MSH3: variants seen among roughly 807,000 people sequenced by gnomAD.
The protein encoded by MSH3 is mutS homolog 3.
MSH3 carries 106 observed loss-of-function variants against 123.3 expected under a neutral mutation model. That is an observed-to-expected ratio of 0.86 (90% confidence interval 0.73 to 1.01). The LOEUF (loss-of-function observed/expected upper bound fraction) is 1.01, where lower values mean the gene tolerates loss of function less well. MSH3 is among the 50% of genes least tolerant of loss of function. The probability of loss-of-function intolerance (pLI) is 0.00; values close to 1 mark genes in which losing one functional copy is unlikely to be tolerated. For synonymous variants in MSH3, 515 were observed against 481.4 expected (o/e 1.07, Z -0.91); for missense variants, 1,459 against 1,347.6 (o/e 1.08, Z -1.29).
intron 22 of MSH3, among the ~76,000 whole-genome samples, chr5:80,870,497 C>G (rs888867751): frequency 6.6e-6 from 1 of 152,128 alleles, no homozygotes; most frequent in Non-Finnish European, 1.5e-5. Context: ...AAAAAATTAT[C>G]CAGGTTTGCA....
chr5:80,672,589 A>T, intron 5 of MSH3, 152 bp from the exon 6 acceptor site: 1 of 742,780 alleles, frequency 1.3e-6, no homozygotes, highest in Non-Finnish European at 2.3e-6. Flanking sequence ...TTAGCAAATT[A>T]TCCACCCTTG....
At chr5:80,818,833 G>A (rs1011019784) in intron 20 of MSH3, among the ~76,000 whole-genome samples, 3 of 152,136 alleles carry the variant, frequency 2.0e-5, no homozygotes, top group Admixed American at 6.5e-5. Context: ...TGGCTACATT[G>A]GAGTTGCATT....
chr5:80,786,190 C>T (rs1410022069), intron 17 of MSH3, among the ~76,000 whole-genome samples: 1 of 151,798 alleles, frequency 6.6e-6, no homozygotes, highest in Non-Finnish European at 1.5e-5. Flanking sequence ...AAGTAGGCAC[C>T]TTATTTCTAT....
intron 8 of MSH3, among the ~76,000 whole-genome samples, chr5:80,695,531 G>A (rs1257407487): frequency 1.3e-5 from 2 of 151,794 alleles, no homozygotes; most frequent in Non-Finnish European, 2.9e-5. Context: ...ATGGGGTTTC[G>A]CCATGTTGGC....
intron 19 of MSH3, among the ~76,000 whole-genome samples, chr5:80,807,388 T>C (rs1028404308): frequency 9.2e-5 from 14 of 152,116 alleles, no homozygotes; most frequent in Admixed American, 3.9e-4. Context: ...TTGAAAAAAG[T>C]ATGAACTATG....
Position 80,725,517 on chromosome 5 carries a change from T to C in MSH3, c.1405T>C (p.Phe469Leu), listed in dbSNP as rs761160657. 1 of 1,613,954 alleles carries C rather than the reference T, an allele frequency of 6.2e-7. No individual in the cohort carries two copies. Among genetic ancestry groups the C allele is most frequent in the African/African-American group, 1.3e-5 (1 of 74,940 alleles). ...DNIYFEYSHA[F>L]QAVTEFYAKD... Reference sequence around the variant, plus strand: ...CATTTATTTTGAATACAGCCATGCTTTCCAGGCAGTTACAGAGTTTTATGC... The same window carrying C: ...CATTTATTTTGAATACAGCCATGCTCTCCAGGCAGTTACAGAGTTTTATGC... The change falls in exon 9 of 24, where the codon TTC (phenylalanine) becomes CTC (leucine). Residue 469 changes from phenylalanine (F) to leucine (L), a missense_variant. Phe to Leu is a conservative substitution (Grantham distance 22, BLOSUM62 0). Coordinates refer to ENST00000265081, the MANE Select transcript of MSH3 (RefSeq NM_002439.5).
At chr5:80,803,236 A>G (rs857289) in intron 19 of MSH3, among the ~76,000 whole-genome samples, 109,597 of 151,846 alleles carry the variant, frequency 0.72, 39,932 homozygotes, top group East Asian at 0.96. Flanking sequence ...ATCCTCACCA[A>G]CATTTGTTAT....
At chr5:80,693,817 C>T (rs1750405717) in intron 8 of MSH3, among the ~76,000 whole-genome samples, 1 of 152,080 alleles carries the variant, frequency 6.6e-6, no homozygotes, top group Non-Finnish European at 1.5e-5. Context: ...GTCACCACGC[C>T]TGGCTAATTT....
chr5:80,746,563 T>C (rs1350441657), intron 12 of MSH3: 2 of 419,810 alleles, frequency 4.8e-6, no homozygotes, highest in Non-Finnish European at 4.7e-6. Flanking sequence ...GAATTGTTGG[T>C]CCTAAGGAGG....
chr5:80,656,752 A>G (rs968204527), intron 2 of MSH3, among the ~76,000 whole-genome samples: 1 of 152,186 alleles, frequency 6.6e-6, no homozygotes, highest in South Asian at 2.1e-4. Context: ...AGTTCTCCCA[A>G]CTTTCTCCTT....
chr5:80,671,637 G>A (rs1006473261), intron 4 of MSH3, among the ~76,000 whole-genome samples: 1 of 152,158 alleles, frequency 6.6e-6, no homozygotes, highest in Non-Finnish European at 1.5e-5. Flanking sequence ...TCAGAGAAGG[G>A]GTGAGGTTGG....
chr5:80,808,861 A>ATATATATATGTATCTATATATATATC, intron 19 of MSH3, among the ~76,000 whole-genome samples: 1 of 102,994 alleles, frequency 9.7e-6, no homozygotes, highest in Admixed American at 1.0e-4. Context: ...TCTTCTTCAT[A>ATATATATATGTATCTATATATATATC]TATATATATA....
intron 8 of MSH3, among the ~76,000 whole-genome samples, chr5:80,699,009 G>A (rs1032053876): frequency 2.0e-5 from 3 of 152,132 alleles, no homozygotes; most frequent in Non-Finnish European, 4.4e-5. Flanking sequence ...GGTGGAGTGA[G>A]AAAGCGGCAT....
chr5:80,808,754 A>T (rs1358051086), intron 19 of MSH3, among the ~76,000 whole-genome samples: 2 of 151,274 alleles, frequency 1.3e-5, no homozygotes, highest in Non-Finnish European at 2.9e-5. Flanking sequence ...TAGTTTTAAA[A>T]GCCAGCAGTT....
intron 15 of MSH3, among the ~76,000 whole-genome samples, chr5:80,770,903 G>A (rs1283226854): frequency 6.6e-6 from 1 of 152,156 alleles, no homozygotes; most frequent in African/African-American, 2.4e-5. Context: ...CATTATGAGT[G>A]TGGCATTGAG....
chr5:80,808,873 A>ATATATATATATATG (rs754318556), intron 19 of MSH3, among the ~76,000 whole-genome samples: 8,936 of 136,932 alleles, frequency 0.065, 456 homozygotes, highest in South Asian at 0.1. Flanking sequence ...ATATATATAT[A>ATATATATATATATG]TATATATATA....
At chr5:80,788,086 A>C (rs537519868) in intron 18 of MSH3, among the ~76,000 whole-genome samples, 1 of 152,318 alleles carries the variant, frequency 6.6e-6, no homozygotes, top group South Asian at 2.1e-4. Context: ...AAACATCCCA[A>C]CATGGAATAT....
intron 20 of MSH3, among the ~76,000 whole-genome samples, 170 bp from the exon 21 acceptor site, chr5:80,853,960 C>T (rs1374417558): frequency 6.6e-6 from 1 of 152,204 alleles, no homozygotes; most frequent in Non-Finnish European, 1.5e-5. Context: ...TGATGTTAGA[C>T]ACTCTTTACA....
chr5:80,770,443 A>G (rs1454852461), intron 15 of MSH3, among the ~76,000 whole-genome samples: 1 of 152,180 alleles, frequency 6.6e-6, no homozygotes, highest in Admixed American at 6.5e-5. Flanking sequence ...TATACTACTC[A>G]TATAATAACA....
Sources: gnomAD v4.1 joint callset for allele counts (sites outside exome capture counted in the v4.1 genomes callset) on GRCh38, gnomAD v4.1.1 for gene constraint, MANE v1.5 for transcripts, NCBI Gene and HGNC (gene_info 2026-07-23, HGNC 2026-07-21) for gene names.